RNGTT: variants seen among roughly 807,000 people sequenced by gnomAD.
RNGTT encodes RNA guanylyltransferase and 5'-phosphatase.
Under a neutral mutation model 79.3 loss-of-function variants are expected in RNGTT, and 33 were observed. That is an observed-to-expected ratio of 0.42 (90% CI 0.32 to 0.56). The LOEUF is 0.56. Among genes scored for constraint, RNGTT ranks in the 20% least tolerant of loss-of-function variants. The pLI is 0.17. For missense variants in RNGTT, 497 were observed against 739.1 expected (o/e 0.67, Z 3.80); for synonymous variants, 222 against 235.9 (o/e 0.94, Z 0.54).
intron 13 of RNGTT, among the ~76,000 whole-genome samples, chr6:88,686,105 T>C (rs1168625687): frequency 6.8e-6 from 1 of 148,096 alleles, no homozygotes; most frequent in Non-Finnish European, 1.5e-5. Flanking sequence ...CTAGATCAAT[T>C]AGAGAAAAAT....
chr6:88,753,207 T>G (rs1349783756), intron 13 of RNGTT, among the ~76,000 whole-genome samples: 4 of 152,142 alleles, frequency 2.6e-5, no homozygotes, highest in African/African-American at 9.7e-5. Context: ...AATAATAAAC[T>G]TACTCCTTAC....
At chr6:88,844,656 C>CTG in intron 10 of RNGTT, 135 bp from the exon 11 acceptor site, 11 of 719,668 alleles carry the variant, frequency 1.5e-5, no homozygotes, top group Non-Finnish European at 2.2e-5. Flanking sequence ...ACAGCGTGCA[C>CTG]AAACATATAT....
Position 88,616,023 on chromosome 6 carries a change from A to G in RNGTT, c.1507-1628T>C, listed in dbSNP as rs1311158331. ...CCCCTTCCCCTCTACCCAGACCTTGATAACTGCCTTTCTACTTTCTGTTTC... is the reference window on the plus strand; with the variant it reads ...CCCCTTCCCCTCTACCCAGACCTTGGTAACTGCCTTTCTACTTTCTGTTTC... On this transcript the variant is annotated intron_variant, in intron 14 of 15. Transcript: ENST00000369485. 4.6e-5 allele frequency among the ~76,000 whole-genome samples: 7 copies of G among 152,182 alleles called. No individual in the cohort carries two copies. The East Asian group carries it at 1.3e-3, about 29-fold the overall frequency.
chr6:88,657,194 T>C (rs1006066752), intron 14 of RNGTT, among the ~76,000 whole-genome samples: 1 of 151,854 alleles, frequency 6.6e-6, no homozygotes, highest in Non-Finnish European at 1.5e-5. Context: ...CAAAAAACTG[T>C]GAGTTCCCAA....
intron 11 of RNGTT, among the ~76,000 whole-genome samples, chr6:88,810,117 C>A (rs112862578): frequency 8.5e-5 from 13 of 152,092 alleles, no homozygotes; most frequent in Admixed American, 3.3e-4. Context: ...TACAAATCAA[C>A]GACCTCAACT....
chr6:88,853,436 C>A (rs953652914), intron 9 of RNGTT, among the ~76,000 whole-genome samples, 193 bp downstream of exon 9: 1 of 145,682 alleles, frequency 6.9e-6, no homozygotes, highest in Admixed American at 7.1e-5. Context: ...ACCCAGGAGG[C>A]AAAGGTTGCA....
intron 10 of RNGTT, 54 bp from the exon 11 acceptor site, chr6:88,844,575 C>T: frequency 6.6e-7 from 1 of 1,507,784 alleles, no homozygotes; most frequent in East Asian, 2.3e-5. Flanking sequence ...ATTTTATCAG[C>T]ATAATTATCA....
chr6:88,810,105 G>C (rs532054995), intron 11 of RNGTT, among the ~76,000 whole-genome samples: 1 of 152,138 alleles, frequency 6.6e-6, no homozygotes, highest in African/African-American at 2.4e-5. Flanking sequence ...TAAGAAAAAG[G>C]TTACAAATCA....
At chr6:88,931,621 T>C (rs1227332338) in intron 2 of RNGTT, among the ~76,000 whole-genome samples, 1 of 152,158 alleles carries the variant, frequency 6.6e-6, no homozygotes, top group African/African-American at 2.4e-5. Context: ...TAAAAAAGTA[T>C]GTACAGTCAA....
At chr6:88,929,371 G>A in intron 2 of RNGTT, 104 bp from the exon 3 acceptor site, 2 of 696,972 alleles carry the variant, frequency 2.9e-6, no homozygotes, top group Non-Finnish European at 4.9e-6. Flanking sequence ...TTACATTGAG[G>A]GAGATTCTGT....
chr6:88,677,979 C>CTTTTTTTTTT (rs34263662), intron 14 of RNGTT: 1 of 76,330 alleles, frequency 1.3e-5, no homozygotes, highest in Non-Finnish European at 2.4e-5. Context: ...CTCACATTCA[C>CTTTTTTTTTT]TTTTTTTTTT....
intron 8 of RNGTT, 37 bp from the exon 9 acceptor site, chr6:88,853,801 A>C: frequency 9.0e-6 from 12 of 1,334,800 alleles, no homozygotes; most frequent in Non-Finnish European, 1.2e-5. Context: ...TATTTACAGT[A>C]TAATATCAAG....
At chr6:88,704,464 A>G (rs886687307) in intron 13 of RNGTT, among the ~76,000 whole-genome samples, 1 of 152,152 alleles carries the variant, frequency 6.6e-6, no homozygotes, top group African/African-American at 2.4e-5. Context: ...TATGATCAAG[A>G]CAGGAGTGAA....
intron 13 of RNGTT, among the ~76,000 whole-genome samples, chr6:88,710,646 C>T (rs2127806969): frequency 6.6e-6 from 1 of 152,230 alleles, no homozygotes; most frequent in African/African-American, 2.4e-5. Context: ...CCCTGAAAGG[C>T]CACATTTCCA....
intron 8 of RNGTT, among the ~76,000 whole-genome samples, chr6:88,875,593 T>TA (rs1391039084): frequency 6.6e-6 from 1 of 152,188 alleles, no homozygotes; most frequent in African/African-American, 2.4e-5. Context: ...TCCTGCTACT[T>TA]ACAATAACTG....
chr6:88,662,732 C>T (rs575678810), intron 14 of RNGTT, among the ~76,000 whole-genome samples: 2 of 152,350 alleles, frequency 1.3e-5, no homozygotes, highest in Non-Finnish European at 1.5e-5. Flanking sequence ...GGAGCACTCT[C>T]GCGTAGGCAA....
chr6:88,962,050 CACTT>C (rs1379227268), intron 1 of RNGTT, among the ~76,000 whole-genome samples: 1 of 152,162 alleles, frequency 6.6e-6, no homozygotes, highest in Non-Finnish European at 1.5e-5. Flanking sequence ...AAGCCACACA[CACTT>C]CCTTCCACCC....
At chr6:88,687,558 T>C (rs745866983) in intron 13 of RNGTT, among the ~76,000 whole-genome samples, 1 of 152,118 alleles carries the variant, frequency 6.6e-6, no homozygotes, top group Non-Finnish European at 1.5e-5. Flanking sequence ...TTAAATAAGC[T>C]ACGGTTAAAT....
chr6:88,745,653 A>G (rs1361691055), intron 13 of RNGTT, among the ~76,000 whole-genome samples: 5 of 152,170 alleles, frequency 3.3e-5, no homozygotes, highest in African/African-American at 4.8e-5. Context: ...GTCTAAATAC[A>G]TTAGAAGTTA....
Sources: gnomAD v4.1 joint callset for allele counts (sites outside exome capture counted in the v4.1 genomes callset) on GRCh38, gnomAD v4.1.1 for gene constraint, MANE v1.5 for transcripts, NCBI Gene and HGNC (gene_info 2026-07-23, HGNC 2026-07-21) for gene names.